The following RHOA variants were observed in gnomAD, a reference collection of about 807,000 sequenced individuals.
The protein encoded by RHOA is ras homolog family member A.
A neutral mutation model predicts 17.5 loss-of-function variants in RHOA; 3 were observed. The observed-to-expected ratio is 0.17, with a 90% CI of 0.08 to 0.44. RHOA has a LOEUF of 0.44. Among genes scored for constraint, RHOA ranks in the 20% least tolerant of loss-of-function variants. The pLI is 0.99. For synonymous variants in RHOA, 98 were observed against 88.4 expected, an observed-to-expected ratio of 1.11 and a Z score of -0.61; for missense variants, 56 against 242.3, an observed-to-expected ratio of 0.23 and a Z score of 5.10.
In RHOA at chr3:49,405,555, A is replaced by G. The variant is rs547799651; in HGVS notation, c.-3+6265T>C. Among the ~76,000 whole-genome samples the G allele has an allele frequency of 1.8e-3, 269 of 152,314 alleles. 1 individual carries two copies. The highest frequency in any genetic ancestry group is 6.1e-3 in the African/African-American group (255 of 41,578). On this transcript the variant is annotated intron_variant, in intron 1 of 4. Transcript: ENST00000418115. ...CATTCCCTTTCTACAGAAGAAAAAAACTGAATTACAAAGGAGACATACTAC... is the reference window on the plus strand; with the variant it reads ...CATTCCCTTTCTACAGAAGAAAAAAGCTGAATTACAAAGGAGACATACTAC...
intron 2 of RHOA, among the ~76,000 whole-genome samples, chr3:49,368,932 C>T (rs979447703): frequency 1.4e-5 from 2 of 145,096 alleles, no homozygotes; most frequent in African/African-American, 2.6e-5. Context: ...TGGTCTGGAT[C>T]TCCTGACCTC....
intron 2 of RHOA, among the ~76,000 whole-genome samples, chr3:49,372,173 T>C (rs1331323080): frequency 6.6e-6 from 1 of 152,172 alleles, no homozygotes; most frequent in African/African-American, 2.4e-5. Context: ...TCATCACATT[T>C]CTACCTAGTT....
At chr3:49,404,454 A>ACACACACACACACACC (rs2048781166) in intron 1 of RHOA, among the ~76,000 whole-genome samples, 1 of 148,376 alleles carries the variant, frequency 6.7e-6, no homozygotes, top group Non-Finnish European at 1.5e-5. Context: ...ACACACACAC[A>ACACACACACACACACC]CACAAAATTA....
chr3:49,384,721 T>C (rs1176011653), intron 1 of RHOA, among the ~76,000 whole-genome samples: 1 of 152,056 alleles, frequency 6.6e-6, no homozygotes, highest in African/African-American at 2.4e-5. Context: ...TTGCCCAGGA[T>C]GGTCTTAAAC....
chr3:49,376,644 C>CAAAAA (rs963176937), intron 1 of RHOA, among the ~76,000 whole-genome samples: 1 of 43,846 alleles, frequency 2.3e-5, no homozygotes, highest in African/African-American at 8.2e-5. Context: ...CTCCATCTCA[C>CAAAAA]AAAAAAAAAA....
At chr3:49,377,935 G>T (rs2048258242) in intron 1 of RHOA, among the ~76,000 whole-genome samples, 1 of 151,796 alleles carries the variant, frequency 6.6e-6, no homozygotes, top group South Asian at 2.1e-4. Flanking sequence ...GAACACTTGA[G>T]GTCAGGAGTT....
intron 1 of RHOA, among the ~76,000 whole-genome samples, chr3:49,391,823 C>CTTTTTTTT (rs59591685): frequency 2.0e-5 from 2 of 99,672 alleles, no homozygotes; most frequent in Non-Finnish European, 3.9e-5. Flanking sequence ...ATTAATTTAT[C>CTTTTTTTT]TTTTTTTTTT....
chr3:49,378,920 A>T (rs1045844816), intron 1 of RHOA, among the ~76,000 whole-genome samples: 1 of 152,158 alleles, frequency 6.6e-6, no homozygotes. Flanking sequence ...AGAAAAAATT[A>T]AAAAATAAAG....
At chr3:49,396,344 A>C (rs2048615951) in intron 1 of RHOA, among the ~76,000 whole-genome samples, 1 of 151,366 alleles carries the variant, frequency 6.6e-6, no homozygotes, top group Admixed American at 6.6e-5. Context: ...GAGGCTGAGG[A>C]GGATGGATCA....
chr3:49,408,942 G>A (rs1292427501), intron 1 of RHOA, among the ~76,000 whole-genome samples: 5 of 151,932 alleles, frequency 3.3e-5, no homozygotes, highest in Admixed American at 6.5e-5. Context: ...ACAGGCGCCC[G>A]CCACCACACC....
chr3:49,395,467 T>G (rs1475728550), intron 1 of RHOA, among the ~76,000 whole-genome samples: 1 of 151,998 alleles, frequency 6.6e-6, no homozygotes, highest in Non-Finnish European at 1.5e-5. Flanking sequence ...TCCCGGCACT[T>G]TGGGAGACTG....
intron 1 of RHOA, among the ~76,000 whole-genome samples, chr3:49,407,948 C>T (rs1041639885): frequency 6.6e-6 from 1 of 152,020 alleles, no homozygotes; most frequent in Non-Finnish European, 1.5e-5. Flanking sequence ...GATCACAAGG[C>T]CAGGAGTTCG....
intron 1 of RHOA, among the ~76,000 whole-genome samples, chr3:49,392,735 T>C (rs2048530848): frequency 6.6e-6 from 1 of 152,188 alleles, no homozygotes; most frequent in African/African-American, 2.4e-5. Flanking sequence ...GCTATGGTAC[T>C]GGACAGTGCA....
intron 1 of RHOA, among the ~76,000 whole-genome samples, chr3:49,381,460 G>A (rs2048315878): frequency 6.6e-6 from 1 of 150,698 alleles, no homozygotes; most frequent in South Asian, 2.1e-4. Context: ...ACCCCTGAAA[G>A]GCTACTCAGG....
At chr3:49,365,197 C>T (rs2107834144) in intron 3 of RHOA, 1 of 151,128 alleles carries the variant, frequency 6.6e-6, no homozygotes, top group African/African-American at 2.4e-5. Context: ...GGCTGGAGCG[C>T]AGTGGCGCAA....
intron 1 of RHOA, among the ~76,000 whole-genome samples, chr3:49,379,259 A>G (rs1006578992): frequency 6.6e-6 from 1 of 152,176 alleles, no homozygotes; most frequent in Non-Finnish European, 1.5e-5. Flanking sequence ...AATGTTATAT[A>G]AGTGAAAGAA....
At chr3:49,400,410 A>G (rs2048703991) in intron 1 of RHOA, among the ~76,000 whole-genome samples, 1 of 152,002 alleles carries the variant, frequency 6.6e-6, no homozygotes, top group Non-Finnish European at 1.5e-5. Context: ...CTCATTTTAA[A>G]GGCCAAGAGT....
At chr3:49,371,251 A>G (rs2048142783) in intron 2 of RHOA, among the ~76,000 whole-genome samples, 1 of 150,244 alleles carries the variant, frequency 6.7e-6, no homozygotes, top group East Asian at 1.9e-4. Flanking sequence ...ACAATCTTGT[A>G]TGGTTCCCTA....
intron 4 of RHOA, among the ~76,000 whole-genome samples, chr3:49,361,222 T>C (rs2047966184): frequency 6.6e-6 from 1 of 152,114 alleles, no homozygotes; most frequent in Non-Finnish European, 1.5e-5. Flanking sequence ...AGAGGAGCCC[T>C]GGAAGGTTAA....
Sources: allele counts gnomAD v4.1 joint callset (sites outside exome capture counted in the v4.1 genomes callset), GRCh38; gene constraint gnomAD v4.1.1; transcripts MANE v1.5; gene names NCBI Gene and HGNC (gene_info 2026-07-23, HGNC 2026-07-21).